Variants in ABCB11 observed in about 807,000 individuals in gnomAD.
The protein encoded by ABCB11 is ATP binding cassette subfamily B member 11, also known as bile salt export pump.
In ABCB11, 95 loss-of-function variants were observed where a neutral mutation model predicts 148.0. The observed-to-expected ratio is 0.64, with a 90% CI of 0.54 to 0.76. The LOEUF is 0.76. Among genes scored for constraint, ABCB11 ranks in the 30% least tolerant of loss-of-function variants. The probability of loss-of-function intolerance (pLI) is 0.00; values close to 1 mark genes in which losing one functional copy is unlikely to be tolerated. For missense variants in ABCB11, 1,523 were observed against 1,617.8 expected, an observed-to-expected ratio of 0.94 and a Z score of 1.01; for synonymous variants, 591 against 555.4, an observed-to-expected ratio of 1.06 and a Z score of -0.90.
chr2:169,023,413 G>A (rs550906579), intron 1 of ABCB11, among the ~76,000 whole-genome samples: 1 of 152,320 alleles, frequency 6.6e-6, no homozygotes, highest in Admixed American at 6.5e-5. Flanking sequence ...GCACAAGTTA[G>A]TAAGTGATAC....
intron 21 of ABCB11, among the ~76,000 whole-genome samples, chr2:168,940,152 A>T (rs1046688475): frequency 6.6e-6 from 1 of 151,998 alleles, no homozygotes; most frequent in African/African-American, 2.4e-5. Flanking sequence ...CACATCTCTC[A>T]CTTTAAATCA....
At chr2:168,968,525 T>G (rs1693418192) in intron 16 of ABCB11, 35 bp from the exon 17 acceptor site, 2 of 1,554,810 alleles carry the variant, frequency 1.3e-6, no homozygotes, top group Admixed American at 3.5e-5. Context: ...TTTTAGTATA[T>G]ACAATAAACA....
intron 18 of ABCB11, among the ~76,000 whole-genome samples, chr2:168,958,793 C>T (rs1033125087): frequency 1.3e-5 from 2 of 151,624 alleles, no homozygotes; most frequent in African/African-American, 2.4e-5. Flanking sequence ...TTCTCAAAGG[C>T]AAATATTATA....
intron 19 of ABCB11, among the ~76,000 whole-genome samples, chr2:168,951,322 G>C (rs1210505705): frequency 6.6e-6 from 1 of 151,452 alleles, no homozygotes; most frequent in Non-Finnish European, 1.5e-5. Flanking sequence ...TGATTGCATT[G>C]AATCAGTGGA....
At chr2:168,982,655 A>T (rs191371365) in intron 10 of ABCB11, among the ~76,000 whole-genome samples, 137 of 152,276 alleles carry the variant, frequency 9.0e-4, no homozygotes, top group African/African-American at 3.1e-3. Context: ...TGTGTATCAC[A>T]AAACGTACTG....
downstream of ABCB11, among the ~76,000 whole-genome samples, chr2:168,917,780 C>G (rs752135108): frequency 6.6e-6 from 1 of 152,144 alleles, no homozygotes; most frequent in Non-Finnish European, 1.5e-5. Context: ...GAGATTCAGA[C>G]TAGAGAATTC....
chr2:168,925,275 T>A (rs1203391752), intron 26 of ABCB11, among the ~76,000 whole-genome samples: 1 of 152,242 alleles, frequency 6.6e-6, no homozygotes, highest in African/African-American at 2.4e-5. Flanking sequence ...ACTCTGCTGC[T>A]TACTAGCTTG....
chr2:169,027,234 A>C (rs1016160512), intron 1 of ABCB11, among the ~76,000 whole-genome samples: 6 of 152,204 alleles, frequency 3.9e-5, no homozygotes, highest in African/African-American at 1.4e-4. Flanking sequence ...AATAAACTTA[A>C]GGGAATCTAA....
Position 168,993,885 on chromosome 2 carries a change from A to G in ABCB11, c.612-3T>C. 6.2e-7 allele frequency: 1 copy of G among 1,601,034 alleles called. No individual in the cohort carries two copies. Among genetic ancestry groups the G allele is most frequent in the Non-Finnish European group, 8.5e-7 (1 of 1,174,662 alleles). On this transcript the variant is annotated splice_polypyrimidine_tract_variant and splice_region_variant and intron_variant, in intron 7 of 27. Coordinates refer to ENST00000650372, the MANE Select transcript of ABCB11 (RefSeq NM_003742.4). The stretch of plus-strand genomic sequence containing the variant: ...CATCATTGATTTTATTAATATCACT[A>G]GAAACCAGAAAGATTTTGGTCACTA...
At chr2:168,980,415 C>G (rs190994298) in intron 10 of ABCB11, among the ~76,000 whole-genome samples, 1 of 152,234 alleles carries the variant, frequency 6.6e-6, no homozygotes, top group African/African-American at 2.4e-5. Flanking sequence ...CTGGTACATG[C>G]AAAACCAACC....
At chr2:168,964,429 T>C (rs1377759817) in intron 17 of ABCB11, 121 bp from the exon 18 acceptor site, 2 of 809,758 alleles carry the variant, frequency 2.5e-6, no homozygotes, top group African/African-American at 3.4e-5. Context: ...GGTCACATGG[T>C]AACCAGGAAA....
intron 1 of ABCB11, among the ~76,000 whole-genome samples, chr2:169,028,262 A>T (rs550847595): frequency 4.3e-4 from 65 of 150,900 alleles, no homozygotes; most frequent in Admixed American, 2.3e-3. Context: ...CCCTCATGGA[A>T]CTTACAATGT....
intron 11 of ABCB11, among the ~76,000 whole-genome samples, chr2:168,979,586 C>T (rs748042580): frequency 6.7e-6 from 1 of 148,682 alleles, no homozygotes; most frequent in Non-Finnish European, 1.5e-5. Flanking sequence ...GCAGGAGAAT[C>T]GCTTGAACCT....
rs1691224765 is a variant in ABCB11, at chr2:168,924,649, A to G, written c.3765+8T>C. On this transcript the variant is annotated splice_region_variant and intron_variant, in intron 27 of 27. Transcript: ENST00000650372. The stretch of plus-strand genomic sequence containing the variant: ...AATGATCTAAGACTTTAGAAATTCA[A>G]CACTTACCTTTTCACTTTCTGTGTC... 5 of 1,613,700 alleles carry G rather than the reference A, an allele frequency of 3.1e-6. No individual in the cohort carries two copies. The highest frequency in any genetic ancestry group is 1.1e-5 in the South Asian group (1 of 91,052).
intron 9 of ABCB11, among the ~76,000 whole-genome samples, chr2:168,990,049 A>G (rs1170796288): frequency 1.3e-5 from 2 of 152,204 alleles, no homozygotes; most frequent in East Asian, 1.9e-4. Context: ...CATGTTTATC[A>G]TGGATATTGG....
intron 8 of ABCB11, among the ~76,000 whole-genome samples, chr2:168,993,463 C>T (rs1394752220): frequency 1.3e-5 from 2 of 152,012 alleles, no homozygotes; most frequent in East Asian, 3.9e-4. Flanking sequence ...CTAGTAGTGC[C>T]TAGAGAAACA....
At chr2:168,992,416 A>G (rs1399136880) in intron 8 of ABCB11, among the ~76,000 whole-genome samples, 1 of 152,248 alleles carries the variant, frequency 6.6e-6, no homozygotes, top group East Asian at 1.9e-4. Context: ...TATTCAGAAA[A>G]AAAATGAAAA....
chr2:168,944,155 T>G (rs1265431366), intron 21 of ABCB11, among the ~76,000 whole-genome samples: 1 of 152,032 alleles, frequency 6.6e-6, no homozygotes, highest in African/African-American at 2.4e-5. Flanking sequence ...GTTTATTTCT[T>G]TCCCTCAGTT....
chr2:168,978,966 C>A (rs891220962), intron 11 of ABCB11, among the ~76,000 whole-genome samples: 2 of 152,132 alleles, frequency 1.3e-5, no homozygotes, highest in African/African-American at 4.8e-5. Flanking sequence ...GTGACGCGCC[C>A]ACCTTGGCCT....
Sources: gnomAD v4.1 joint callset for allele counts (sites outside exome capture counted in the v4.1 genomes callset) on GRCh38, gnomAD v4.1.1 for gene constraint, MANE v1.5 for transcripts, NCBI Gene and HGNC (gene_info 2026-07-23, HGNC 2026-07-21) for gene names.